The following OPHN1 variants were observed in gnomAD, a reference collection of about 807,000 sequenced individuals.
The protein encoded by OPHN1 is oligophrenin-1.
OPHN1 carries 11 observed loss-of-function variants against 60.7 expected under a neutral mutation model. The ratio of observed to expected loss-of-function variants is 0.18; its 90% CI spans 0.11 to 0.30. The LOEUF (loss-of-function observed/expected upper bound fraction) is 0.30. OPHN1 is among the 10% of genes least tolerant of loss of function. The pLI, the probability that OPHN1 is intolerant of heterozygous loss-of-function variation, is 1.00. For synonymous variants in OPHN1, 226 were observed against 222.6 expected (o/e 1.02, Z -0.14); for missense variants, 449 against 611.0 (o/e 0.73, Z 2.80).
chrX:68,426,569 T>TATATATATAA (rs1266981689), intron 2 of OPHN1, among the ~76,000 whole-genome samples: 455 of 41,588 alleles, frequency 0.011, 44 homozygotes, highest in African/African-American at 0.018. Flanking sequence ...TATATATATA[T>TATATATATAA]ACATACACAG....
chrX:68,404,552 C>T (rs909698212), intron 2 of OPHN1, among the ~76,000 whole-genome samples: 1 of 111,481 alleles, frequency 9.0e-6, no homozygotes, highest in African/African-American at 3.3e-5. Context: ...GGTGTATTTG[C>T]ACACTTATGT....
intron 15 of OPHN1, among the ~76,000 whole-genome samples, chrX:68,145,407 C>T (rs776175261): frequency 6.3e-5 from 7 of 111,675 alleles, no homozygotes; most frequent in African/African-American, 1.6e-4. Context: ...AATGCTTGCA[C>T]GCATGAACAG....
chrX:68,129,626 T>C (rs1370355451), intron 15 of OPHN1, among the ~76,000 whole-genome samples: 1 of 112,187 alleles, frequency 8.9e-6, no homozygotes, highest in Non-Finnish European at 1.9e-5. Context: ...CACAATGCTA[T>C]TTTTACATTC....
intron 15 of OPHN1, among the ~76,000 whole-genome samples, chrX:68,126,818 C>G (rs1425676752): frequency 8.9e-6 from 1 of 112,079 alleles, no homozygotes; most frequent in African/African-American, 3.2e-5. Flanking sequence ...AACATGCAGT[C>G]CATCTTTTCC....
intron 18 of OPHN1, among the ~76,000 whole-genome samples, chrX:68,102,924 C>A (rs980734019): frequency 1.8e-5 from 2 of 111,766 alleles, no homozygotes; most frequent in Non-Finnish European, 3.8e-5. Context: ...CAGACGGATT[C>A]ACAGCCAAGT....
intron 2 of OPHN1, among the ~76,000 whole-genome samples, chrX:68,422,720 AAAGGAAGGAAGG>A (rs373179402): frequency 3.4e-5 from 3 of 87,830 alleles, no homozygotes; most frequent in East Asian, 3.8e-4. Context: ...AGAAAGAAAG[AAAGGAAGGAAGG>A]AAGGAAGGAA....
At chrX:68,167,894 T>C (rs12847332) in intron 15 of OPHN1, among the ~76,000 whole-genome samples, 38,820 of 109,873 alleles carry the variant, frequency 0.35, 5,694 homozygotes, top group African/African-American at 0.53. Context: ...CAATGGAGTA[T>C]GATTCAGAAT....
At chrX:68,156,975 C>A (rs951048676) in intron 15 of OPHN1, among the ~76,000 whole-genome samples, 2 of 111,492 alleles carry the variant, frequency 1.8e-5, no homozygotes, top group Admixed American at 9.6e-5. Context: ...ACAATACCAG[C>A]AATGCTAGAA....
At chrX:68,070,979 C>T in intron 20 of OPHN1, 10 of 1,152,026 alleles carry the variant, frequency 8.7e-6, no homozygotes, top group Non-Finnish European at 1.2e-5. Context: ...AGGTCTTTGA[C>T]AATCTTGGCT....
Position 68,412,429 on chromosome X carries a change from A to C in OPHN1, c.154+20438T>G, listed in dbSNP as rs774084763. 6.3e-4 allele frequency among the ~76,000 whole-genome samples: 71 copies of C among 111,847 alleles called. 2 individuals carry two copies. Among genetic ancestry groups the C allele is most frequent in the Non-Finnish European group, 1.2e-3 (62 of 53,209 alleles). Reference sequence around the variant, plus strand: ...TTACATGAGGTACTTCCATTTATAGAGTAGTCAAATTCATAAAGACAGAAA... The same window carrying C: ...TTACATGAGGTACTTCCATTTATAGCGTAGTCAAATTCATAAAGACAGAAA... On this transcript the variant is annotated intron_variant, in intron 2 of 24. Transcript: ENST00000355520.
chrX:68,202,882 C>T (rs1373576621), intron 10 of OPHN1, among the ~76,000 whole-genome samples: 1 of 111,864 alleles, frequency 8.9e-6, no homozygotes, highest in Non-Finnish European at 1.9e-5. Flanking sequence ...TACCCAAAGT[C>T]ATCCAAATTG....
intron 15 of OPHN1, among the ~76,000 whole-genome samples, chrX:68,163,291 T>G (rs866924304): frequency 9.0e-6 from 1 of 111,459 alleles, no homozygotes; most frequent in East Asian, 2.8e-4. Context: ...AATTTTTTTT[T>G]GTTGTTTAAA....
intron 2 of OPHN1, among the ~76,000 whole-genome samples, chrX:68,312,098 C>CT (rs2078176333): frequency 1.1e-5 from 1 of 92,489 alleles, no homozygotes; most frequent in African/African-American, 4.3e-5. Context: ...AAATTATATT[C>CT]TATTTTTTTT....
rs780855575 is a variant in OPHN1, at chrX:68,245,664, C to G, written c.385-11076G>C. Among the ~76,000 whole-genome samples the G allele has an allele frequency of 3.4e-3, 377 of 112,468 alleles. 3 individuals are homozygous for G. The highest frequency in any genetic ancestry group is 0.012 in the African/African-American group (360 of 30,990). On this transcript the variant is annotated intron_variant, in intron 5 of 24. Transcript: ENST00000355520. ...CCATTTGAAACATCAGGACTTCTAT[C>G]TGGTTCAGAATTCCCAGTCTCTACC...
intron 12 of OPHN1, among the ~76,000 whole-genome samples, chrX:68,195,301 G>T (rs771771887): frequency 8.9e-6 from 1 of 111,907 alleles, no homozygotes; most frequent in East Asian, 2.8e-4. Flanking sequence ...AAGACTGGTT[G>T]ATGAATACTT....
intron 15 of OPHN1, among the ~76,000 whole-genome samples, chrX:68,187,507 CAAA>C (rs55901805): frequency 1.2e-5 from 1 of 80,382 alleles, no homozygotes. Context: ...CTGTCTTCTC[CAAA>C]AAAAAAAAAA....
Position 68,423,102 on chromosome X carries a change from T to C in OPHN1, c.154+9765A>G, listed in dbSNP as rs1033098697. The stretch of plus-strand genomic sequence containing the variant: ...GTGTAATGGCTCGATCTCGGCTCAC[T>C]GCAAGCTCCGCCTCCTGGGTTCACT... On this transcript the variant is annotated intron_variant, in intron 2 of 24. Coordinates refer to ENST00000355520, the MANE Select transcript of OPHN1 (RefSeq NM_002547.3). Among the ~76,000 whole-genome samples the C allele has an allele frequency of 1.0e-4, 11 of 110,043 alleles. No individual in the cohort carries two copies. In the East Asian group the frequency reaches 3.2e-3, roughly 32 times the overall value.
At chrX:68,330,007 T>C (rs2078286631) in intron 2 of OPHN1, among the ~76,000 whole-genome samples, 1 of 112,046 alleles carries the variant, frequency 8.9e-6, no homozygotes, top group African/African-American at 3.2e-5. Flanking sequence ...TACAGTCTCA[T>C]TAGTGTATTA....
chrX:68,175,900 A>G (rs1038456208), intron 15 of OPHN1, among the ~76,000 whole-genome samples: 4 of 112,172 alleles, frequency 3.6e-5, no homozygotes, highest in African/African-American at 1.3e-4. Flanking sequence ...TAGAACAGAG[A>G]GCACAGAAAG....
Sources: allele counts gnomAD v4.1 joint callset (sites outside exome capture counted in the v4.1 genomes callset), GRCh38; gene constraint gnomAD v4.1.1; transcripts MANE v1.5; gene names NCBI Gene and HGNC (gene_info 2026-07-23, HGNC 2026-07-21).